Variants in COL25A1 observed in about 807,000 individuals in gnomAD.
COL25A1 encodes collagen type XXV alpha 1 chain.
A neutral mutation model predicts 128.4 loss-of-function variants in COL25A1; 103 were observed. The ratio of observed to expected loss-of-function variants is 0.80; its 90% CI spans 0.68 to 0.94. COL25A1 has a LOEUF of 0.94. Ranked by LOEUF, COL25A1 falls within the 40% of genes least tolerant of loss-of-function variation. COL25A1 has a pLI of 0.00. For synonymous variants in COL25A1, 279 were observed against 277.2 expected (o/e 1.01, Z -0.06); for missense variants, 745 against 840.0 (o/e 0.89, Z 1.40).
chr4:108,999,644 C>G (rs866295481), intron 6 of COL25A1, among the ~76,000 whole-genome samples: 1 of 152,188 alleles, frequency 6.6e-6, no homozygotes, highest in Non-Finnish European at 1.5e-5. Flanking sequence ...ATAAATCATG[C>G]TACTATAAAG....
At chr4:109,235,838 T>C (rs770531872) in intron 3 of COL25A1, among the ~76,000 whole-genome samples, 6 of 152,100 alleles carry the variant, frequency 3.9e-5, no homozygotes, top group Middle Eastern at 3.2e-3. Context: ...ATTTCATCTA[T>C]GGTGAAGGTA....
At chr4:109,029,919 A>C (rs1316112487) in intron 5 of COL25A1, among the ~76,000 whole-genome samples, 1 of 152,136 alleles carries the variant, frequency 6.6e-6, no homozygotes, top group African/African-American at 2.4e-5. Flanking sequence ...TGAAAACAGG[A>C]AATCAGAGGC....
chr4:109,141,623 T>C (rs1770413798), intron 3 of COL25A1, among the ~76,000 whole-genome samples: 2 of 152,180 alleles, frequency 1.3e-5, no homozygotes, highest in African/African-American at 4.8e-5. Context: ...CTTCTATTGG[T>C]CTATTCAGGG....
chr4:109,017,771 C>T lies in COL25A1; in HGVS notation c.421-7396G>A, dbSNP rs531258700. 2.0e-5 allele frequency among the ~76,000 whole-genome samples: 3 copies of T among 152,294 alleles called. No individual in the cohort carries two copies. The South Asian group carries it at 6.2e-4, about 32-fold the overall frequency. ...AATAAAAAACTTCCATCTACAAAAA[C>T]TTGAGGAAATATTAACATTGTTCAT... On this transcript the variant is annotated intron_variant, in intron 5 of 37. Transcript: ENST00000399132.
chr4:108,883,853 C>A (rs908361639), intron 19 of COL25A1, among the ~76,000 whole-genome samples: 1 of 151,950 alleles, frequency 6.6e-6, no homozygotes, highest in Admixed American at 6.6e-5. Flanking sequence ...CTGATAGGGT[C>A]TTAAGAATAA....
At chr4:109,009,116 C>T (rs889932232) in intron 6 of COL25A1, among the ~76,000 whole-genome samples, 2 of 152,052 alleles carry the variant, frequency 1.3e-5, no homozygotes, top group African/African-American at 4.8e-5. Flanking sequence ...AGCAAGACTC[C>T]GTCTCAGAAA....
intron 3 of COL25A1, among the ~76,000 whole-genome samples, chr4:109,236,570 G>C (rs1431187175): frequency 6.6e-6 from 1 of 151,956 alleles, no homozygotes; most frequent in Non-Finnish European, 1.5e-5. Context: ...CAATCTATAA[G>C]CCTGGCACAA....
intron 23 of COL25A1, among the ~76,000 whole-genome samples, chr4:108,860,172 C>T (rs943782792): frequency 5.3e-5 from 8 of 152,110 alleles, no homozygotes; most frequent in African/African-American, 1.4e-4. Context: ...AATGCAGTAG[C>T]GTGATCTCGG....
chr4:108,848,051 G>A (rs1486926336), intron 27 of COL25A1, among the ~76,000 whole-genome samples: 1 of 151,984 alleles, frequency 6.6e-6, no homozygotes, highest in Non-Finnish European at 1.5e-5. Flanking sequence ...TTAGAGCAGG[G>A]GTCGCCAAAC....
chr4:109,122,096 G>A (rs1768154865), intron 3 of COL25A1, among the ~76,000 whole-genome samples: 1 of 152,062 alleles, frequency 6.6e-6, no homozygotes, highest in Non-Finnish European at 1.5e-5. Flanking sequence ...ACAGCAAAAA[G>A]ATTAGTAGCT....
chr4:109,098,936 T>C (rs1560689928), intron 3 of COL25A1, among the ~76,000 whole-genome samples: 2 of 152,184 alleles, frequency 1.3e-5, no homozygotes, highest in Non-Finnish European at 2.9e-5. Context: ...CTCCAGTACT[T>C]AGCAGTTCTG....
rs1289095762 is a variant in COL25A1, at chr4:109,189,851, TGAAA to T, written c.367+110728_367+110731del. On this transcript the variant is annotated intron_variant, in intron 3 of 37. Coordinates refer to ENST00000399132, the MANE Select transcript of COL25A1 (RefSeq NM_198721.4). Reference sequence around the variant, plus strand: ...TTAAGCCACTGATATTCTTTTTAATTGAAAGAGCTTTTTTACATTAAGTTTAACG... The same window carrying T: ...TTAAGCCACTGATATTCTTTTTAATTGAGCTTTTTTACATTAAGTTTAACG... Among the ~76,000 whole-genome samples the T allele has an allele frequency of 4.6e-5, 7 of 152,312 alleles. No homozygotes were observed. In the South Asian group the frequency reaches 1.0e-3, roughly 23 times the overall value.
intron 4 of COL25A1, among the ~76,000 whole-genome samples, chr4:109,049,207 T>A (rs1329183978): frequency 2.0e-5 from 3 of 152,198 alleles, no homozygotes; most frequent in Non-Finnish European, 4.4e-5. Context: ...AGTTGATTAT[T>A]TTTAATATTG....
At chr4:108,967,773 G>C (rs1751483491) in intron 8 of COL25A1, among the ~76,000 whole-genome samples, 2 of 152,134 alleles carry the variant, frequency 1.3e-5, no homozygotes, top group African/African-American at 4.8e-5. Flanking sequence ...TAATTATTAT[G>C]TGAGGTCTTA....
chr4:108,881,648 A>G (rs1173538940), intron 19 of COL25A1, among the ~76,000 whole-genome samples: 2 of 151,446 alleles, frequency 1.3e-5, no homozygotes, highest in African/African-American at 4.8e-5. Flanking sequence ...AATGTAAATT[A>G]AAGGAAAAAA....
chr4:109,032,195 T>C (rs1289298585), intron 5 of COL25A1, among the ~76,000 whole-genome samples: 1 of 152,148 alleles, frequency 6.6e-6, no homozygotes, highest in Non-Finnish European at 1.5e-5. Flanking sequence ...ATGGAAATAC[T>C]GAGACATACA....
At chr4:109,076,373 T>C (rs531596821) in intron 3 of COL25A1, among the ~76,000 whole-genome samples, 2 of 152,338 alleles carry the variant, frequency 1.3e-5, no homozygotes, top group African/African-American at 4.8e-5. Context: ...CAACTTTTAT[T>C]AACCCTAGTA....
At chr4:109,043,578 C>G (rs1760137377) in intron 5 of COL25A1, among the ~76,000 whole-genome samples, 2 of 112,302 alleles carry the variant, frequency 1.8e-5, no homozygotes, top group Admixed American at 9.6e-5. Context: ...ACAAATAAAA[C>G]AGCCAGTTAA....
In COL25A1 at chr4:109,083,653, G is replaced by A. The variant is rs376579580; in HGVS notation, c.368-33474C>T. 1.9e-3 allele frequency among the ~76,000 whole-genome samples: 292 copies of A among 151,626 alleles called. 1 individual carries two copies. The highest frequency in any genetic ancestry group is 6.7e-3 in the African/African-American group (279 of 41,392). ...AATTTTTTGTATTTTTAGTAGAGAC[G>A]GGGTTTCACTATGTTAGCCAGGCTG... is the stretch of plus-strand genomic sequence containing the variant. On this transcript the variant is annotated intron_variant, in intron 3 of 37. Coordinates refer to ENST00000399132, the MANE Select transcript of COL25A1 (RefSeq NM_198721.4).
Sources: allele counts gnomAD v4.1 joint callset (sites outside exome capture counted in the v4.1 genomes callset), GRCh38; gene constraint gnomAD v4.1.1; transcripts MANE v1.5; gene names NCBI Gene and HGNC (gene_info 2026-07-23, HGNC 2026-07-21).